The following ANKRD55 variants were observed in gnomAD, a reference collection of about 807,000 sequenced individuals.
The protein encoded by ANKRD55 is ankyrin repeat domain 55, also known as ankyrin repeat domain-containing protein 55.
In ANKRD55, 41 loss-of-function variants were observed where a neutral mutation model predicts 60.6. The ratio of observed to expected loss-of-function variants is 0.68; its 90% CI spans 0.53 to 0.88. The LOEUF is 0.88. ANKRD55 is among the 40% of genes least tolerant of loss of function. ANKRD55 has a pLI of 0.00. For missense variants in ANKRD55, 732 were observed against 767.6 expected (o/e 0.95, Z 0.55); for synonymous variants, 264 against 290.3 (o/e 0.91, Z 0.92).
intron 10 of ANKRD55, among the ~76,000 whole-genome samples, chr5:56,105,341 C>T (rs1756426808): frequency 6.6e-6 from 1 of 152,192 alleles, no homozygotes; most frequent in African/African-American, 2.4e-5. Flanking sequence ...CCCGTCTCAG[C>T]CTCCCAAAGT....
chr5:56,223,233 AT>A (rs1477898562), intron 2 of ANKRD55, among the ~76,000 whole-genome samples: 3 of 152,040 alleles, frequency 2.0e-5, no homozygotes, highest in African/African-American at 7.3e-5. Context: ...TCAACCCAGA[AT>A]TTCATATCCA....
intron 2 of ANKRD55, among the ~76,000 whole-genome samples, chr5:56,219,273 C>CA (rs35909700): frequency 0.1 from 9,862 of 96,532 alleles, 703 homozygotes; most frequent in East Asian, 0.19. Flanking sequence ...ACTCTGCCTC[C>CA]AAAAAAAAAA....
At chr5:56,112,443 G>A (rs1395714442) in intron 9 of ANKRD55, among the ~76,000 whole-genome samples, 1 of 137,996 alleles carries the variant, frequency 7.2e-6, no homozygotes, top group Admixed American at 7.8e-5. Flanking sequence ...GAGGCAGGAG[G>A]ATCACTTGAT....
chr5:56,171,054 T>G (rs958243295), intron 4 of ANKRD55, among the ~76,000 whole-genome samples: 2 of 152,114 alleles, frequency 1.3e-5, no homozygotes, highest in Non-Finnish European at 1.5e-5. Context: ...AATCTCTCCA[T>G]CTCCCCCTCC....
At position 56,108,589 on chromosome 5, in the gene ANKRD55, T is replaced by C. The variant is rs570966206; in HGVS notation, c.1630+2529A>G. Among the ~76,000 whole-genome samples, 8 of 152,306 alleles carry C rather than the reference T, an allele frequency of 5.3e-5. No homozygotes were observed. The South Asian group carries it at 1.2e-3, about 24-fold the overall frequency. On this transcript the variant is annotated intron_variant, in intron 10 of 11. Transcript: ENST00000341048. ...CATATTTATCCTGTGCCTAAATATG[T>C]ATACAAATATGAGTGAGGGAGCCAT...
At chr5:56,166,475 C>A (rs1294838146) in intron 5 of ANKRD55, among the ~76,000 whole-genome samples, 1 of 151,916 alleles carries the variant, frequency 6.6e-6, no homozygotes, top group South Asian at 2.1e-4. Flanking sequence ...GTTGCCTAAG[C>A]TGGTCTTGAA....
At chr5:56,156,365 A>G (rs1347170782) in intron 6 of ANKRD55, among the ~76,000 whole-genome samples, 1 of 152,194 alleles carries the variant, frequency 6.6e-6, no homozygotes, top group Non-Finnish European at 1.5e-5. Context: ...GACTTTTCCA[A>G]TATTTACCAC....
intron 5 of ANKRD55, 107 bp downstream of exon 5, chr5:56,170,587 G>A (rs1758587879): frequency 3.6e-6 from 3 of 844,436 alleles, no homozygotes; most frequent in Non-Finnish European, 5.5e-6. Context: ...AAAAAAAGAT[G>A]GTTTTCTTTT....
intron 2 of ANKRD55, among the ~76,000 whole-genome samples, chr5:56,201,036 A>G (rs957942526): frequency 6.6e-6 from 1 of 152,236 alleles, no homozygotes; most frequent in Non-Finnish European, 1.5e-5. Context: ...CCTAAGAAAG[A>G]CATGCCCTAG....
chr5:56,211,365 G>A (rs1759670006), intron 2 of ANKRD55, among the ~76,000 whole-genome samples: 1 of 152,160 alleles, frequency 6.6e-6, no homozygotes, highest in South Asian at 2.1e-4. Flanking sequence ...TGTATGCCCA[G>A]CACTGTGTAA....
At chr5:56,109,806 G>A (rs528859741) in intron 10 of ANKRD55, among the ~76,000 whole-genome samples, 43 of 152,242 alleles carry the variant, frequency 2.8e-4, no homozygotes, top group African/African-American at 9.9e-4. Flanking sequence ...TGGATCACGA[G>A]GTCAGATCGA....
rs143331553 is a variant in ANKRD55, at chr5:56,219,849, T to C, written c.58+13007A>G. 8.2e-4 allele frequency among the ~76,000 whole-genome samples: 125 copies of C among 152,388 alleles called. No homozygotes were observed. The East Asian group carries it at 0.017, about 21-fold the overall frequency. ...TAATAAAAAAACAGCTACAAGCTTA[T>C]TGTAGTTTCTTTTAGATTCCATATC... On this transcript the variant is annotated intron_variant, in intron 2 of 11. Coordinates refer to ENST00000341048, the MANE Select transcript of ANKRD55 (RefSeq NM_024669.3).
At chr5:56,230,623 T>G (rs1221016009) in intron 2 of ANKRD55, among the ~76,000 whole-genome samples, 1 of 152,204 alleles carries the variant, frequency 6.6e-6, no homozygotes, top group Non-Finnish European at 1.5e-5. Flanking sequence ...ATTTAAAATC[T>G]GTATAATGGT....
At chr5:56,120,395 C>A (rs1346834618) in intron 8 of ANKRD55, among the ~76,000 whole-genome samples, 1 of 152,174 alleles carries the variant, frequency 6.6e-6, no homozygotes, top group Non-Finnish European at 1.5e-5. Flanking sequence ...ATATTTTCTA[C>A]CTCGCCTCTT....
chr5:56,129,700 A>T (rs1757361626), intron 7 of ANKRD55, among the ~76,000 whole-genome samples: 1 of 152,368 alleles, frequency 6.6e-6, no homozygotes. Flanking sequence ...ATTTGCTAAC[A>T]TATGTCTAAG....
At chr5:56,212,261 G>A (rs898884933) in intron 2 of ANKRD55, among the ~76,000 whole-genome samples, 3 of 152,096 alleles carry the variant, frequency 2.0e-5, no homozygotes, top group Non-Finnish European at 4.4e-5. Context: ...AATAAAATAT[G>A]TCATACCAAT....
intron 7 of ANKRD55, chr5:56,136,867 G>A: frequency 2.7e-6 from 1 of 368,330 alleles, no homozygotes; most frequent in Non-Finnish European, 5.3e-6. Flanking sequence ...GCTGCAGTGA[G>A]CCATGATTAT....
intron 10 of ANKRD55, chr5:56,108,336 A>C (rs1186709791): frequency 6.6e-6 from 1 of 152,218 alleles, no homozygotes; most frequent in Non-Finnish European, 1.5e-5. Flanking sequence ...TTCATAACAG[A>C]AGGTATTCGT....
intron 9 of ANKRD55, among the ~76,000 whole-genome samples, chr5:56,112,510 A>AAAAAAAAAAAAAC (rs1756752577): frequency 7.2e-6 from 1 of 138,004 alleles, no homozygotes; most frequent in African/African-American, 2.6e-5. Context: ...CTAGCAAAAA[A>AAAAAAAAAAAAAC]AAAAAAAAAA....
Sources: gnomAD v4.1 joint callset for allele counts (sites outside exome capture counted in the v4.1 genomes callset) on GRCh38, gnomAD v4.1.1 for gene constraint, MANE v1.5 for transcripts, NCBI Gene and HGNC (gene_info 2026-07-23, HGNC 2026-07-21) for gene names.